Variants in GALNT17 observed in about 807,000 individuals in gnomAD.
The protein encoded by GALNT17 is polypeptide N-acetylgalactosaminyltransferase 17, also known as UDP-GalNAc:polypeptide N-acetylgalactosaminyltransferase-like 3.
Under a neutral mutation model 63.7 loss-of-function variants are expected in GALNT17, and 29 were observed. The ratio of observed to expected loss-of-function variants is 0.46; its 90% CI spans 0.34 to 0.62. The LOEUF is 0.62. GALNT17 is among the 20% of genes least tolerant of loss of function. The pLI, the probability that GALNT17 is intolerant of heterozygous loss-of-function variation, is 0.01. For missense variants in GALNT17, 603 were observed against 799.6 expected, an observed-to-expected ratio of 0.75 and a Z score of 2.97; for synonymous variants, 305 against 318.3, an observed-to-expected ratio of 0.96 and a Z score of 0.45.
intron 5 of GALNT17, among the ~76,000 whole-genome samples, chr7:71,498,099 G>A (rs1788124800): frequency 6.6e-6 from 1 of 152,148 alleles, no homozygotes. Context: ...TCCTGAAGGC[G>A]GGAAGATGGG....
chr7:71,427,407 T>C (rs1389731622), intron 5 of GALNT17, among the ~76,000 whole-genome samples: 4 of 152,006 alleles, frequency 2.6e-5, no homozygotes, highest in Admixed American at 6.6e-5. Context: ...CCTCATTTAC[T>C]CTTAACAGTC....
chr7:71,484,566 T>G (rs1787877706), intron 5 of GALNT17, among the ~76,000 whole-genome samples: 1 of 152,166 alleles, frequency 6.6e-6, no homozygotes, highest in Non-Finnish European at 1.5e-5. Flanking sequence ...TCACCAGCAT[T>G]GCCACAAACA....
intron 1 of GALNT17, among the ~76,000 whole-genome samples, chr7:71,228,253 A>G (rs1010352104): frequency 3.3e-5 from 5 of 151,972 alleles, no homozygotes; most frequent in Non-Finnish European, 7.4e-5. Context: ...AAAGCTCCTA[A>G]CTCAACCCAG....
intron 5 of GALNT17, among the ~76,000 whole-genome samples, chr7:71,472,927 T>C (rs58840129): frequency 0.2 from 30,472 of 151,984 alleles, 3,935 homozygotes; most frequent in East Asian, 0.54. Flanking sequence ...ACCTGGGGAA[T>C]GAGAGGTCCC....
chr7:71,492,828 C>T (rs561073953), intron 5 of GALNT17, among the ~76,000 whole-genome samples: 2 of 152,236 alleles, frequency 1.3e-5, no homozygotes, highest in South Asian at 4.2e-4. Flanking sequence ...GGATCCTTGT[C>T]TTGAAGGAGT....
At chr7:71,448,369 GT>G (rs1787195630) in intron 5 of GALNT17, among the ~76,000 whole-genome samples, 4 of 152,070 alleles carry the variant, frequency 2.6e-5, no homozygotes, top group African/African-American at 9.7e-5. Context: ...GTGTGTGTGT[GT>G]GTGTGTGTGG....
intron 5 of GALNT17, among the ~76,000 whole-genome samples, chr7:71,538,869 GGA>G (rs1419332042): frequency 6.6e-6 from 1 of 152,082 alleles, no homozygotes; most frequent in East Asian, 1.9e-4. Context: ...AGGGATGGTG[GGA>G]GAGAGGGAGG....
chr7:71,516,515 C>A (rs1217381097), intron 5 of GALNT17, among the ~76,000 whole-genome samples: 1 of 152,162 alleles, frequency 6.6e-6, no homozygotes, highest in Non-Finnish European at 1.5e-5. Flanking sequence ...AATAGCCCTT[C>A]TTCTATGCTT....
chr7:71,493,755 C>G (rs908526955), intron 5 of GALNT17, among the ~76,000 whole-genome samples: 1 of 152,152 alleles, frequency 6.6e-6, no homozygotes, highest in African/African-American at 2.4e-5. Context: ...GCCTTTTCTT[C>G]CCTTCTGTCC....
chr7:71,584,855 C>T (rs1789692249), intron 6 of GALNT17, among the ~76,000 whole-genome samples: 1 of 152,102 alleles, frequency 6.6e-6, no homozygotes, highest in Non-Finnish European at 1.5e-5. Context: ...CTCGAGTTCA[C>T]GCCATTCTCC....
rs369874449 is a variant in GALNT17, at chr7:71,533,122, A to G, written c.963-38163A>G. On this transcript the variant is annotated intron_variant, in intron 5 of 10. Transcript: ENST00000333538. ...CACCACATGGCTTAAAAGTCCTCCT[A>G]TGGAGGAGAAGCTGAGGACTTGAGG... 1.2e-3 allele frequency among the ~76,000 whole-genome samples: 182 copies of G among 152,308 alleles called. 2 individuals are homozygous for G. In the South Asian group the frequency reaches 0.034, roughly 28 times the overall value.
intron 5 of GALNT17, among the ~76,000 whole-genome samples, chr7:71,550,383 T>TG (rs1404872581): frequency 1.5e-5 from 2 of 129,942 alleles, no homozygotes; most frequent in East Asian, 6.7e-4. Flanking sequence ...TTTGTGTGTG[T>TG]TTTTTTTGTT....
At chr7:71,220,012 G>C (rs769264796) in intron 1 of GALNT17, among the ~76,000 whole-genome samples, 5 of 152,168 alleles carry the variant, frequency 3.3e-5, no homozygotes, top group Non-Finnish European at 7.3e-5. Flanking sequence ...AAGTAATTTG[G>C]AGGAAAGAGA....
chr7:71,710,758 C>A lies in GALNT17; in HGVS notation c.1501-3C>A, dbSNP rs1201630754. 6.2e-7 allele frequency: 1 copy of A among 1,611,698 alleles called. No individual in the cohort carries two copies. The highest frequency in any genetic ancestry group is 1.1e-5 in the South Asian group (1 of 90,986). The stretch of plus-strand genomic sequence containing the variant: ...TTCCCCTGCTGCTCTGGTCTCTCGA[C>A]AGCTTGCCCGCTACACCAAGGAAGG... On this transcript the variant is annotated splice_polypyrimidine_tract_variant and splice_region_variant and intron_variant, in intron 9 of 10. Transcript: ENST00000333538.
intron 6 of GALNT17, among the ~76,000 whole-genome samples, chr7:71,655,425 T>C (rs969424403): frequency 2.6e-5 from 4 of 152,208 alleles, no homozygotes; most frequent in Admixed American, 6.5e-5. Context: ...GGGGAATTCC[T>C]GGCAGTCTCC....
At chr7:71,612,627 G>A (rs79775392) in intron 6 of GALNT17, among the ~76,000 whole-genome samples, 2,808 of 152,272 alleles carry the variant, frequency 0.018, 31 homozygotes, top group Middle Eastern at 0.065. Context: ...GAAGCGATGG[G>A]TTTCTTTACA....
intron 2 of GALNT17, among the ~76,000 whole-genome samples, chr7:71,338,352 T>A (rs1013478631): frequency 5.4e-5 from 7 of 130,330 alleles, no homozygotes; most frequent in African/African-American, 1.6e-4. Flanking sequence ...AAATAAAAAA[T>A]AAATAAATAT....
chr7:71,563,406 G>A (rs992818426), intron 5 of GALNT17, among the ~76,000 whole-genome samples: 2 of 152,112 alleles, frequency 1.3e-5, no homozygotes, highest in Non-Finnish European at 1.5e-5. Flanking sequence ...CACTCACGAG[G>A]CAGGTGCCAG....
chr7:71,388,681 C>T (rs778538224), intron 3 of GALNT17, among the ~76,000 whole-genome samples: 2 of 151,924 alleles, frequency 1.3e-5, no homozygotes, highest in Non-Finnish European at 2.9e-5. Flanking sequence ...CACCCGGCAC[C>T]ACGCCTGGCT....
Sources: gnomAD v4.1 joint callset for allele counts (sites outside exome capture counted in the v4.1 genomes callset) on GRCh38, gnomAD v4.1.1 for gene constraint, MANE v1.5 for transcripts, NCBI Gene and HGNC (gene_info 2026-07-23, HGNC 2026-07-21) for gene names.